Variants in MKLN1 observed in about 807,000 individuals in gnomAD.
MKLN1 encodes the protein muskelin 1, also known as muskelin.
Under a neutral mutation model 99.0 loss-of-function variants are expected in MKLN1, and 18 were observed. That is an observed-to-expected ratio of 0.18 (90% CI 0.13 to 0.27). MKLN1 has a LOEUF of 0.27. Among genes scored for constraint, MKLN1 ranks in the 10% least tolerant of loss-of-function variants. MKLN1 has a pLI of 1.00. For missense variants in MKLN1, 621 were observed against 875.9 expected, an observed-to-expected ratio of 0.71 and a Z score of 3.67; for synonymous variants, 288 against 293.2, an observed-to-expected ratio of 0.98 and a Z score of 0.18.
chr7:131,128,975 T>C (rs1265951061), intron 1 of MKLN1, among the ~76,000 whole-genome samples: 1 of 150,266 alleles, frequency 6.7e-6, no homozygotes, highest in Non-Finnish European at 1.5e-5. Flanking sequence ...ACTTTATGTA[T>C]ATGACAAGCG....
intron 2 of MKLN1, among the ~76,000 whole-genome samples, chr7:131,180,615 C>G (rs1282910900): frequency 1.3e-5 from 2 of 151,346 alleles, no homozygotes; most frequent in Non-Finnish European, 2.9e-5. Flanking sequence ...AGGAGAATCA[C>G]TTGAACCTGA....
At chr7:131,215,921 C>G (rs1320190664) in intron 3 of MKLN1, among the ~76,000 whole-genome samples, 2 of 152,028 alleles carry the variant, frequency 1.3e-5, no homozygotes, top group African/African-American at 2.4e-5. Context: ...TCAGTCTAGC[C>G]CATAGGTTCA....
intron 1 of MKLN1, among the ~76,000 whole-genome samples, chr7:131,364,707 C>A (rs1425270768): frequency 6.6e-6 from 1 of 152,038 alleles, no homozygotes; most frequent in Non-Finnish European, 1.5e-5. Context: ...TTAGCTCCCA[C>A]TTATAAATGA....
intron 1 of MKLN1, among the ~76,000 whole-genome samples, chr7:131,132,242 G>C (rs747342681): frequency 2.0e-4 from 30 of 152,176 alleles, no homozygotes; most frequent in African/African-American, 5.8e-4. Flanking sequence ...GAGAACACTC[G>C]TACAATCTCA....
intron 2 of MKLN1, among the ~76,000 whole-genome samples, chr7:131,168,879 T>C (rs1487529728): frequency 2.0e-5 from 3 of 151,604 alleles, no homozygotes; most frequent in Admixed American, 6.6e-5. Flanking sequence ...CTTTTTTTTT[T>C]TTTTTTGAGA....
At chr7:131,191,542 T>C (rs1474677985) in intron 2 of MKLN1, among the ~76,000 whole-genome samples, 1 of 152,116 alleles carries the variant, frequency 6.6e-6, no homozygotes, top group African/African-American at 2.4e-5. Context: ...TCATTTTTAT[T>C]GAGATAAAAT....
rs1053597696 is a variant in MKLN1, at chr7:131,495,786, A to C, written c.*8058A>C. The C allele has an allele frequency of 6.6e-6, 1 of 152,220 alleles. No homozygotes were observed. Among genetic ancestry groups the C allele is most frequent in the African/African-American group, 2.4e-5 (1 of 41,456 alleles). 9.4% of individuals were successfully genotyped at this position (152,220 alleles called of 1,614,324 possible). ...ACTCTGGGTGTAAAATGTTATCCAG[A>C]AGCTATAGGGAGCTGCCTTGCTCAG... On this transcript the variant is annotated 3_prime_UTR_variant, in exon 18 of 18. Coordinates refer to ENST00000352689, the MANE Select transcript of MKLN1 (RefSeq NM_013255.5).
intron 2 of MKLN1, chr7:131,143,086 T>A (rs2116263772): frequency 2.3e-6 from 1 of 430,892 alleles, no homozygotes; most frequent in Non-Finnish European, 4.3e-6. Context: ...GTTTTCACAA[T>A]GTTTGAATAT....
At chr7:131,186,653 G>A (rs898461324) in intron 2 of MKLN1, among the ~76,000 whole-genome samples, 2 of 152,102 alleles carry the variant, frequency 1.3e-5, no homozygotes, top group South Asian at 4.1e-4. Flanking sequence ...TGCCTAGCAC[G>A]CCAGTTGCAA....
At chr7:131,115,376 A>G (rs1795258594) in intron 1 of MKLN1, among the ~76,000 whole-genome samples, 1 of 152,206 alleles carries the variant, frequency 6.6e-6, no homozygotes, top group Admixed American at 6.5e-5. Context: ...AAACATTTCC[A>G]AAATGTCTCT....
chr7:131,446,444 A>G (rs1305663831), intron 12 of MKLN1, among the ~76,000 whole-genome samples: 1 of 152,252 alleles, frequency 6.6e-6, no homozygotes, highest in East Asian at 1.9e-4. Context: ...GATCATTTAT[A>G]GTTACCCTAC....
At chr7:131,407,817 G>A (rs943792887) in intron 6 of MKLN1, among the ~76,000 whole-genome samples, 2 of 151,258 alleles carry the variant, frequency 1.3e-5, no homozygotes, top group Admixed American at 6.6e-5. Flanking sequence ...CTCTTTCAAG[G>A]TATCTTCTTT....
chr7:131,466,616 C>A (rs553915053), intron 15 of MKLN1, among the ~76,000 whole-genome samples: 19 of 152,158 alleles, frequency 1.2e-4, no homozygotes, highest in African/African-American at 4.6e-4. Context: ...AAATACAGAA[C>A]AAGTGAAATT....
chr7:131,214,832 GT>G (rs1468441341), intron 3 of MKLN1, among the ~76,000 whole-genome samples: 1 of 152,088 alleles, frequency 6.6e-6, no homozygotes, highest in Non-Finnish European at 1.5e-5. Flanking sequence ...GATAATGAAT[GT>G]TTTAATTCAT....
intron 8 of MKLN1, 81 bp from the exon 9 acceptor site, chr7:131,428,952 C>T: frequency 1.9e-6 from 2 of 1,069,204 alleles, no homozygotes; most frequent in Non-Finnish European, 1.4e-6. Context: ...CTTAAGTGGC[C>T]TTAGAAACAG....
chr7:131,193,568 G>C (rs992227135), intron 2 of MKLN1, among the ~76,000 whole-genome samples: 50 of 151,788 alleles, frequency 3.3e-4, no homozygotes, highest in African/African-American at 1.2e-3. Flanking sequence ...TAGAGATGAG[G>C]TTTCACCATA....
At chr7:131,179,084 T>TAAGA (rs1796342525) in intron 2 of MKLN1, among the ~76,000 whole-genome samples, 1 of 152,228 alleles carries the variant, frequency 6.6e-6, no homozygotes, top group Non-Finnish European at 1.5e-5. Context: ...ATACCTTTCT[T>TAAGA]GACTGAATAA....
chr7:131,307,110 G>A (rs1456825676), intron 3 of MKLN1, among the ~76,000 whole-genome samples: 1 of 152,040 alleles, frequency 6.6e-6, no homozygotes, highest in Non-Finnish European at 1.5e-5. Context: ...AAGGGGCCAA[G>A]GTACAGCTTG....
At chr7:131,394,152 TAAAA>T (rs965614076) in intron 4 of MKLN1, among the ~76,000 whole-genome samples, 5 of 151,426 alleles carry the variant, frequency 3.3e-5, no homozygotes, top group Non-Finnish European at 5.9e-5. Context: ...TATTTGTTGT[TAAAA>T]AAAAACTTTT....
Sources: allele counts gnomAD v4.1 joint callset (sites outside exome capture counted in the v4.1 genomes callset), GRCh38; gene constraint gnomAD v4.1.1; transcripts MANE v1.5; gene names NCBI Gene and HGNC (gene_info 2026-07-23, HGNC 2026-07-21).